Variants in TSC2 observed in about 807,000 individuals in gnomAD.
TSC2 encodes the protein TSC complex subunit 2, also known as tuberin.
Under a neutral mutation model 202.2 loss-of-function variants are expected in TSC2, and 29 were observed. The observed-to-expected ratio is 0.14, with a 90% CI of 0.11 to 0.20. The LOEUF (loss-of-function observed/expected upper bound fraction) is 0.20. TSC2 is among the 10% of genes least tolerant of loss of function. The pLI, the probability that TSC2 is intolerant of heterozygous loss-of-function variation, is 1.00. For missense variants in TSC2, 2,429 were observed against 2,420.0 expected (o/e 1.00, Z -0.08); for synonymous variants, 1,349 against 1,044.0 (o/e 1.29, Z -5.63).
rs2091225589 is a variant in TSC2 at position 2,088,632 on chromosome 16, A to G, written c.*22A>G. 6.3e-7 allele frequency: 1 copy of G among 1,595,744 alleles called. No homozygotes were observed. The highest frequency in any genetic ancestry group is 8.5e-7 in the Non-Finnish European group (1 of 1,177,698). On this transcript the variant is annotated 3_prime_UTR_variant, in exon 42 of 42. Coordinates refer to ENST00000219476, the MANE Select transcript of TSC2 (RefSeq NM_000548.5). ...GTGAGGCCGGGGCCCTCCCTCCTGC[A>G]CTGGCCTTGGACGGTATTGCCTGTC...
At chr16:2,075,665 A>C (rs1181823286) in intron 22 of TSC2, 134 bp from the exon 23 acceptor site, 14 of 907,754 alleles carry the variant, frequency 1.5e-5, no homozygotes, top group Non-Finnish European at 2.2e-5. Flanking sequence ...GGGTCGGGAA[A>C]GCCACGTCCG....
chr16:2,089,054 A>T lies in TSC2; in HGVS notation c.*444A>T. 1 of 191,626 alleles carries T rather than the reference A, an allele frequency of 5.2e-6. No homozygotes were observed. The highest frequency in any genetic ancestry group is 1.1e-5 in the Non-Finnish European group (1 of 91,524). The allele number at this position is 191,626 out of a possible 1,614,324, so 11.9% of individuals were successfully genotyped here. On this transcript the variant is annotated 3_prime_UTR_variant, in exon 42 of 42. Transcript: ENST00000219476. ...CTTGCTACCTGGCCTGGGGCAAGGG[A>T]GGATGACAAGGCCTCTGGGGTGATG...
chr16:2,069,459 A>G (rs951156962), intron 16 of TSC2, among the ~76,000 whole-genome samples: 2 of 148,912 alleles, frequency 1.3e-5, no homozygotes, highest in Non-Finnish European at 1.5e-5. Flanking sequence ...TGGGATTTAC[A>G]GGCATGCACC....
At chr16:2,052,743 G>T (rs1333934858) in intron 3 of TSC2, among the ~76,000 whole-genome samples, 1 of 152,228 alleles carries the variant, frequency 6.6e-6, no homozygotes, top group Admixed American at 6.5e-5. Context: ...TGCCGAGTGA[G>T]ACTGATTCTG....
chr16:2,089,340 A>T lies in TSC2; in HGVS notation c.*730A>T. ...GTACGGTAGGAACTGGAGAGGTAAT[A>T]ACTTAGGGGCAGGGTGGCGGCGGTG... On this transcript the variant is annotated 3_prime_UTR_variant, in exon 42 of 42. Transcript: ENST00000219476. 1 of 321,552 alleles carries T rather than the reference A, an allele frequency of 3.1e-6. No homozygotes were observed. Among genetic ancestry groups the T allele is most frequent in the Non-Finnish European group, 5.8e-6 (1 of 171,478 alleles). The allele number at this position is 321,552 out of a possible 1,614,324, so 19.9% of individuals were successfully genotyped here.
chr16:2,054,257 G>T (rs749275519), intron 4 of TSC2, 39 bp from the exon 5 acceptor site: 2 of 1,613,834 alleles, frequency 1.2e-6, no homozygotes, highest in South Asian at 1.1e-5. Context: ...TGTGGGCGAC[G>T]CTGGCAGGCT....
At chr16:2,083,908 C>G in intron 33 of TSC2, 92 bp downstream of exon 33, 1 of 1,505,722 alleles carries the variant, frequency 6.6e-7, no homozygotes. Flanking sequence ...ACCCTGGGAA[C>G]TGGCTCTGAA....
intron 22 of TSC2, among the ~76,000 whole-genome samples, chr16:2,075,506 G>A (rs1356624939): frequency 9.7e-5 from 12 of 123,102 alleles, no homozygotes; most frequent in South Asian, 2.5e-4. Flanking sequence ...CAGCCTGGGC[G>A]ACAGAGCCAG....
chr16:2,065,287 CCTGTAGT>C, intron 15 of TSC2: 1 of 517,444 alleles, frequency 1.9e-6, no homozygotes, highest in South Asian at 2.0e-5. Context: ...GTGGCGGGCG[CCTGTAGT>C]CCTAGCTACT....
intron 16 of TSC2, among the ~76,000 whole-genome samples, chr16:2,069,813 C>T (rs1376146245): frequency 6.6e-6 from 1 of 152,012 alleles, no homozygotes; most frequent in African/African-American, 2.4e-5. Context: ...TGGGCTTTCT[C>T]CATGTAGGTC....
At chr16:2,053,878 T>G (rs753297201) in intron 4 of TSC2, 1 of 466,912 alleles carries the variant, frequency 2.1e-6, no homozygotes, top group South Asian at 1.7e-5. Flanking sequence ...CCTCCCCTGG[T>G]CGGCCACTTC....
intron 14 of TSC2, 109 bp from the exon 15 acceptor site, chr16:2,064,163 C>T (rs2086989105): frequency 6.4e-7 from 1 of 1,566,992 alleles, no homozygotes; most frequent in Non-Finnish European, 8.8e-7. Flanking sequence ...TGCTGAAGTC[C>T]CGAGGGACAT....
chr16:2,068,383 CT>C (rs2087701587), intron 16 of TSC2, among the ~76,000 whole-genome samples: 1 of 152,134 alleles, frequency 6.6e-6, no homozygotes, highest in South Asian at 2.1e-4. Flanking sequence ...ACACAGTTGA[CT>C]CTTGAACAGT....
At chr16:2,085,441 A>G in intron 36 of TSC2, 119 bp downstream of exon 36, 1 of 1,074,304 alleles carries the variant, frequency 9.3e-7, no homozygotes, top group Non-Finnish European at 1.4e-6. Context: ...GGTCCCCTAC[A>G]GCATGAAGTG....
At chr16:2,085,206 C>G (rs763791765) in intron 35 of TSC2, 24 bp from the exon 36 acceptor site, 1 of 1,612,568 alleles carries the variant, frequency 6.2e-7, no homozygotes, top group Non-Finnish European at 8.5e-7. Flanking sequence ...GTCTGGGGCT[C>G]AGGCAGGGCT....
At chr16:2,051,437 A>G (rs536692644) in intron 3 of TSC2, among the ~76,000 whole-genome samples, 2 of 152,294 alleles carry the variant, frequency 1.3e-5, no homozygotes, top group Non-Finnish European at 2.9e-5. Flanking sequence ...ACAGAGAACA[A>G]TCCTAGGCAC....
Position 2,054,316 on chromosome 16 carries a change from C to T in TSC2, c.357C>T (p.Leu119=), listed in dbSNP as rs1168763677. Residue 119 remains leucine, a synonymous_variant, in exon 5 of 42, where the codon CTC becomes CTT. Transcript: ENST00000219476. ...VQGQGERLGV[L]RALFFKVIKD... ...TTTAGGGCGAGCGTTTGGGGGTCCT[C>T]AGAGCCCTCTTCTTTAAGGTCATCA... 1 of 1,614,202 alleles carries T rather than the reference C, an allele frequency of 6.2e-7. No individual in the cohort carries two copies. The highest frequency in any genetic ancestry group is 8.5e-7 in the Non-Finnish European group (1 of 1,180,026).
At position 2,088,035 on chromosome 16, in the gene TSC2, C is replaced by T. The variant is rs542607400; in HGVS notation, c.5069-13C>T. On this transcript the variant is annotated splice_polypyrimidine_tract_variant and intron_variant, in intron 39 of 41. Transcript: ENST00000219476. Reference sequence around the variant, plus strand: ...AGAGCCCTGGGCCTGGCGTGACCACCAAGTCTCCCCAGACATGGAGGGCCT... The same window carrying T: ...AGAGCCCTGGGCCTGGCGTGACCACTAAGTCTCCCCAGACATGGAGGGCCT... 21 of 1,611,796 alleles carry T rather than the reference C, an allele frequency of 1.3e-5. No individual in the cohort carries two copies. The South Asian group carries it at 1.9e-4, about 14-fold the overall frequency.
At chr16:2,055,075 A>T (rs555143297) in intron 5 of TSC2, 1 of 423,302 alleles carries the variant, frequency 2.4e-6, no homozygotes, top group South Asian at 2.1e-5. Context: ...GGGGTGGGGA[A>T]CGCCCAGGAG....
Sources: allele counts gnomAD v4.1 joint callset (sites outside exome capture counted in the v4.1 genomes callset), GRCh38; gene constraint gnomAD v4.1.1; transcripts MANE v1.5; gene names NCBI Gene and HGNC (gene_info 2026-07-23, HGNC 2026-07-21).